Variants in CTNNA3 observed in about 807,000 individuals in gnomAD.
The protein encoded by CTNNA3 is catenin alpha-3.
A neutral mutation model predicts 95.7 loss-of-function variants in CTNNA3; 76 were observed. That is an observed-to-expected ratio of 0.79 (90% CI 0.66 to 0.96). The LOEUF (loss-of-function observed/expected upper bound fraction) is 0.96. CTNNA3 is among the 40% of genes least tolerant of loss of function. The probability of loss-of-function intolerance (pLI) is 0.00; values close to 1 mark genes in which losing one functional copy is unlikely to be tolerated. For synonymous variants in CTNNA3, 431 were observed against 374.4 expected (o/e 1.15, Z -1.74); for missense variants, 1,191 against 1,089.8 (o/e 1.09, Z -1.31).
chr10:67,186,385 G>A (rs1425429530), intron 6 of CTNNA3, among the ~76,000 whole-genome samples: 3 of 152,138 alleles, frequency 2.0e-5, no homozygotes, highest in Non-Finnish European at 4.4e-5. Flanking sequence ...AACTATCTCA[G>A]CATTTGGAAT....
At chr10:66,631,055 T>C (rs1845117329) in intron 9 of CTNNA3, among the ~76,000 whole-genome samples, 2 of 152,222 alleles carry the variant, frequency 1.3e-5, no homozygotes, top group Admixed American at 1.3e-4. Flanking sequence ...TAGAGATGAC[T>C]GTAGTAAGAG....
chr10:67,539,446 A>G (rs1379268558), intron 4 of CTNNA3, 57 bp downstream of exon 4: 2 of 1,584,426 alleles, frequency 1.3e-6, no homozygotes, highest in Non-Finnish European at 1.7e-6. Context: ...CCAGGTTCAG[A>G]GAATGAAATT....
intron 9 of CTNNA3, among the ~76,000 whole-genome samples, chr10:66,759,129 A>G (rs2132757473): frequency 6.6e-6 from 1 of 152,326 alleles, no homozygotes; most frequent in African/African-American, 2.4e-5. Context: ...TCAAAAGGAA[A>G]ATGTCACCGC....
intron 11 of CTNNA3, among the ~76,000 whole-genome samples, chr10:66,446,093 T>C (rs898796746): frequency 5.3e-5 from 8 of 152,084 alleles, no homozygotes; most frequent in African/African-American, 1.9e-4. Flanking sequence ...ATAAATTCCT[T>C]GACACATACA....
intron 4 of CTNNA3, among the ~76,000 whole-genome samples, chr10:67,537,268 A>G (rs977096576): frequency 1.3e-5 from 2 of 152,164 alleles, no homozygotes; most frequent in African/African-American, 4.8e-5. Context: ...TCTAACCATT[A>G]GAGTAGTTAA....
At position 67,726,383 on chromosome 10, in the gene CTNNA3, A is replaced by ATATATATAT. The variant is rs1480041135; in HGVS notation, c.-2+37050_-2+37051insATATATATA. Reference sequence around the variant, plus strand: ...GATATAATATATGATATTATATATGAAATTATATATATTATATATTATATC... The same window carrying ATATATATAT: ...GATATAATATATGATATTATATATGATATATATATAATTATATATATTATATATTATATC... On this transcript the variant is annotated intron_variant, in intron 1 of 17. Transcript: ENST00000684154. 6.0e-3 allele frequency among the ~76,000 whole-genome samples: 223 copies of ATATATATAT among 37,050 alleles called. 3 individuals carry two copies. Among genetic ancestry groups the ATATATATAT allele is most frequent in the African/African-American group, 0.016 (150 of 9,180 alleles). The allele number at this position is 37,050 out of a possible 152,430, so 24.3% of individuals were successfully genotyped here. A position where few individuals can be genotyped will look rare whatever the true frequency, so the allele number is the denominator to read the frequency against.
chr10:67,624,169 A>G (rs1843944686), intron 2 of CTNNA3, among the ~76,000 whole-genome samples: 1 of 152,168 alleles, frequency 6.6e-6, no homozygotes, highest in East Asian at 1.9e-4. Context: ...CACTGGAAGG[A>G]GCTTTACTTT....
At chr10:67,414,259 T>A (rs952206243) in intron 5 of CTNNA3, among the ~76,000 whole-genome samples, 3 of 151,886 alleles carry the variant, frequency 2.0e-5, no homozygotes, top group African/African-American at 7.2e-5. Context: ...ATATTACAAC[T>A]GATCCCACAG....
chr10:67,417,019 C>T (rs962855060), intron 5 of CTNNA3, among the ~76,000 whole-genome samples: 20 of 152,054 alleles, frequency 1.3e-4, no homozygotes, highest in African/African-American at 4.1e-4. Context: ...GTGCTAGTCA[C>T]AATAGCAAAG....
At chr10:67,731,921 C>T (rs937964751) in intron 1 of CTNNA3, among the ~76,000 whole-genome samples, 2 of 146,900 alleles carry the variant, frequency 1.4e-5, no homozygotes, top group Non-Finnish European at 1.5e-5. Flanking sequence ...CCACCAAGCC[C>T]GGCTAATTTT....
intron 17 of CTNNA3, among the ~76,000 whole-genome samples, chr10:65,955,849 CTT>C (rs987466973): frequency 6.6e-6 from 1 of 152,014 alleles, no homozygotes; most frequent in Non-Finnish European, 1.5e-5. Flanking sequence ...CTAAAATTCT[CTT>C]TTTTTGTTGT....
In CTNNA3 at chr10:67,606,899, T is replaced by C. The variant is rs1843295535; in HGVS notation, c.250A>G (p.Lys84Glu). The part of the protein sequence containing the change: ...EKIAQEATVL[K>E]DELTASLEEV... ...TCAAGTGAAGCCGTAAGCTCATCCTTTAAAACTGTAGCTTCCTGGGCAATC... is the reference window on the plus strand; with the variant it reads ...TCAAGTGAAGCCGTAAGCTCATCCTCTAAAACTGTAGCTTCCTGGGCAATC... Residue 84 changes from lysine (K) to glutamate (E), a missense_variant, in exon 3 of 18, where the codon AAG becomes GAG. Physicochemically the swap from Lys to Glu is moderately conservative, Grantham distance 56. Transcript: ENST00000433211. The C allele has an allele frequency of 6.2e-7, 1 of 1,614,124 alleles. No individual in the cohort carries two copies. The highest frequency in any genetic ancestry group is 2.2e-5 in the East Asian group (1 of 44,878).
chr10:67,712,100 C>T (rs562241842), intron 1 of CTNNA3, among the ~76,000 whole-genome samples: 126 of 152,224 alleles, frequency 8.3e-4, no homozygotes, highest in Middle Eastern at 6.8e-3. Context: ...TTTATTGCAG[C>T]ATTATTCACA....
At chr10:67,574,265 C>A (rs1842069971) in intron 3 of CTNNA3, among the ~76,000 whole-genome samples, 1 of 151,894 alleles carries the variant, frequency 6.6e-6, no homozygotes, top group South Asian at 2.1e-4. Flanking sequence ...GCTTATATCT[C>A]TTTTCTTTGA....
At chr10:67,490,432 A>G (rs1404193221) in intron 5 of CTNNA3, among the ~76,000 whole-genome samples, 1 of 152,212 alleles carries the variant, frequency 6.6e-6, no homozygotes, top group Non-Finnish European at 1.5e-5. Context: ...AACTACAGAA[A>G]ACCTATGCTG....
Position 67,166,238 on chromosome 10 carries a change from C to T in CTNNA3, c.1047+14079G>A, listed in dbSNP as rs570426554. 3.3e-5 allele frequency among the ~76,000 whole-genome samples: 5 copies of T among 152,290 alleles called. No individual in the cohort carries two copies. The East Asian group carries it at 9.6e-4, about 29-fold the overall frequency. On this transcript the variant is annotated intron_variant, in intron 7 of 17. Coordinates refer to ENST00000433211, the MANE Select transcript of CTNNA3 (RefSeq NM_013266.4). The stretch of plus-strand genomic sequence containing the variant: ...CATTTTAGAAATATCAATTGTGGGT[C>T]ACCTGAAAAAGTTTCAGTCATTCTT...
chr10:66,247,979 C>A (rs1014631975), intron 13 of CTNNA3, among the ~76,000 whole-genome samples: 4 of 152,050 alleles, frequency 2.6e-5, no homozygotes, highest in African/African-American at 9.7e-5. Flanking sequence ...AGGGTATAAA[C>A]TCCTATTTTA....
intron 2 of CTNNA3, among the ~76,000 whole-genome samples, chr10:67,615,339 C>T (rs908461775): frequency 2.0e-5 from 3 of 152,204 alleles, no homozygotes; most frequent in Non-Finnish European, 2.9e-5. Context: ...AAGAGATTTA[C>T]GTGTCAAACA....
chr10:66,270,224 T>TTG lies in CTNNA3; in HGVS notation c.1884+10245_1884+10246insCA, dbSNP rs367695664. ...TAATGCAGAACACTATAACATTTTT[T>TTG]GGGGGGGGGGGCAGGGTCTCACTTT... On this transcript the variant is annotated intron_variant, in intron 13 of 17. Transcript: ENST00000433211. 6.8e-3 allele frequency among the ~76,000 whole-genome samples: 651 copies of TTG among 95,800 alleles called. 9 individuals are homozygous for TTG. Among genetic ancestry groups the TTG allele is most frequent in the African/African-American group, 0.024 (609 of 25,152 alleles). The allele number at this position is 95,800 out of a possible 152,430, so 62.8% of individuals were successfully genotyped here. A position where few individuals can be genotyped will look rare whatever the true frequency, so the allele number is the denominator to read the frequency against.
Sources: gnomAD v4.1 joint callset for allele counts (sites outside exome capture counted in the v4.1 genomes callset) on GRCh38, gnomAD v4.1.1 for gene constraint, MANE v1.5 for transcripts, NCBI Gene and HGNC (gene_info 2026-07-23, HGNC 2026-07-21) for gene names.